Variants in MAMLD1 observed in about 807,000 individuals in gnomAD.
MAMLD1 encodes the protein mastermind like domain containing 1.
MAMLD1 carries 14 observed loss-of-function variants against 45.0 expected under a neutral mutation model. The observed-to-expected ratio is 0.31, with a 90% CI of 0.21 to 0.49. The LOEUF is 0.49. Ranked by LOEUF, MAMLD1 falls within the 20% of genes least tolerant of loss-of-function variation. MAMLD1 has a pLI of 0.99. For synonymous variants in MAMLD1, 254 were observed against 247.8 expected, an observed-to-expected ratio of 1.02 and a Z score of -0.24; for missense variants, 543 against 603.6, an observed-to-expected ratio of 0.90 and a Z score of 1.05.
At chrX:150,374,716 A>G (rs2032215691) in intron 1 of MAMLD1, among the ~76,000 whole-genome samples, 1 of 111,849 alleles carries the variant, frequency 8.9e-6, no homozygotes, top group Non-Finnish European at 1.9e-5. Flanking sequence ...AGCCCTCGGC[A>G]GTTCCAGAAT....
At chrX:150,500,347 TG>T (rs35580895) in intron 5 of MAMLD1, among the ~76,000 whole-genome samples, 1 of 111,188 alleles carries the variant, frequency 9.0e-6, no homozygotes, top group Admixed American at 9.5e-5. Flanking sequence ...TTGGTATGAC[TG>T]GGGGTACGTG....
At chrX:150,378,761 C>T (rs1368214450) in intron 1 of MAMLD1, among the ~76,000 whole-genome samples, 2 of 111,357 alleles carry the variant, frequency 1.8e-5, no homozygotes, top group Non-Finnish European at 3.8e-5. Flanking sequence ...TATTTTGATG[C>T]TCAAATTGCC....
At chrX:150,428,851 G>A (rs984092012) in intron 1 of MAMLD1, among the ~76,000 whole-genome samples, 2 of 111,788 alleles carry the variant, frequency 1.8e-5, no homozygotes, top group African/African-American at 6.5e-5. Flanking sequence ...GCACACCAGA[G>A]AATTGAGCCT....
intron 5 of MAMLD1, among the ~76,000 whole-genome samples, chrX:150,491,996 G>T (rs940823672): frequency 8.9e-6 from 1 of 112,628 alleles, no homozygotes; most frequent in African/African-American, 3.2e-5. Context: ...ATGGCCAGCT[G>T]CCCAAGATTG....
intron 1 of MAMLD1, among the ~76,000 whole-genome samples, chrX:150,431,953 G>A (rs2034966210): frequency 9.0e-6 from 1 of 111,603 alleles, no homozygotes; most frequent in Admixed American, 9.5e-5. Context: ...GGATGGCTGG[G>A]TCAAGTGTTA....
intron 1 of MAMLD1, among the ~76,000 whole-genome samples, chrX:150,388,220 T>C (rs1331683636): frequency 8.9e-6 from 1 of 112,078 alleles, no homozygotes; most frequent in African/African-American, 3.2e-5. Context: ...ATTTAGATTA[T>C]ATATTTCATG....
intron 1 of MAMLD1, among the ~76,000 whole-genome samples, chrX:150,396,581 T>A (rs1162765060): frequency 9.0e-6 from 1 of 111,308 alleles, no homozygotes; most frequent in Non-Finnish European, 1.9e-5. Flanking sequence ...TTTGGAAAAG[T>A]TTATTTTATG....
intron 4 of MAMLD1, among the ~76,000 whole-genome samples, chrX:150,472,895 C>G (rs1557406641): frequency 8.9e-6 from 1 of 112,155 alleles, no homozygotes; most frequent in African/African-American, 3.2e-5. Context: ...TCCCATTCCT[C>G]TCATCCTTGC....
intron 1 of MAMLD1, among the ~76,000 whole-genome samples, chrX:150,403,940 A>AAAGAAAG (rs1557402564): frequency 2.2e-4 from 13 of 58,886 alleles, no homozygotes; most frequent in African/African-American, 5.8e-4. Flanking sequence ...AGAAAGAAAG[A>AAAGAAAG]AAAGAAAGAA....
chrX:150,453,798 G>A (rs1193616264), intron 2 of MAMLD1, among the ~76,000 whole-genome samples: 1 of 111,762 alleles, frequency 8.9e-6, no homozygotes, highest in Non-Finnish European at 1.9e-5. Flanking sequence ...CCCACCCCAG[G>A]GCCTTCCCAC....
At chrX:150,438,862 G>A (rs1055187554) in intron 1 of MAMLD1, among the ~76,000 whole-genome samples, 2 of 111,987 alleles carry the variant, frequency 1.8e-5, no homozygotes, top group Non-Finnish European at 1.9e-5. Flanking sequence ...GGTATATACC[G>A]AGGAGTGGAA....
At chrX:150,382,900 TA>T (rs1427859207) in intron 1 of MAMLD1, among the ~76,000 whole-genome samples, 615 of 20,748 alleles carry the variant, frequency 0.03, 165 homozygotes, top group African/African-American at 0.25. Flanking sequence ...TTTTTTTTTT[TA>T]TTTTTTATTT....
chrX:150,390,465 A>G (rs1270951458), intron 1 of MAMLD1, among the ~76,000 whole-genome samples: 1 of 112,220 alleles, frequency 8.9e-6, no homozygotes, highest in Non-Finnish European at 1.9e-5. Context: ...TTAGCATATT[A>G]CATTGTATAA....
intron 1 of MAMLD1, among the ~76,000 whole-genome samples, chrX:150,407,263 T>G (rs2034022025): frequency 8.9e-6 from 1 of 112,478 alleles, no homozygotes; most frequent in African/African-American, 3.2e-5. Context: ...GACCTAGCAG[T>G]AGGTCTCATA....
intron 2 of MAMLD1, among the ~76,000 whole-genome samples, chrX:150,451,051 G>T (rs1349564997): frequency 8.9e-6 from 1 of 112,827 alleles, no homozygotes; most frequent in African/African-American, 3.2e-5. Context: ...CAGCTTGCAG[G>T]ACACCACTGG....
chrX:150,412,117 G>C (rs2034137815), intron 1 of MAMLD1, among the ~76,000 whole-genome samples: 1 of 111,568 alleles, frequency 9.0e-6, no homozygotes. Flanking sequence ...CCATGTGTCA[G>C]CATGTTGACA....
chrX:150,420,140 T>G (rs1368736964), intron 1 of MAMLD1, among the ~76,000 whole-genome samples: 6 of 37,884 alleles, frequency 1.6e-4, no homozygotes, highest in Admixed American at 7.2e-4. Flanking sequence ...GCTCATTTCT[T>G]TTTATTCTTT....
chrX:150,480,789 T>TTA (rs1557407129), intron 5 of MAMLD1, among the ~76,000 whole-genome samples: 1 of 111,780 alleles, frequency 8.9e-6, no homozygotes. Context: ...CTCCAGGACA[T>TTA]TATATATATA....
In MAMLD1 at chrX:150,512,623, C is replaced by T; in HGVS notation, c.*664C>T. ...GCTTCAGCCTGCTGGGCAGCCAGAG[C>T]CTCAGGCAGAGCCCGGTACAGGGCC... On this transcript the variant is annotated 3_prime_UTR_variant, in exon 8 of 8. Transcript: ENST00000370401. The T allele has an allele frequency of 1.0e-5, 12 of 1,150,493 alleles. No homozygotes were observed. The highest frequency in any genetic ancestry group is 1.4e-5 in the Non-Finnish European group (12 of 869,449). The allele number at this position is 1,150,493 out of a possible 1,213,427, so 94.8% of individuals were successfully genotyped here.
Sources: allele counts gnomAD v4.1 joint callset (sites outside exome capture counted in the v4.1 genomes callset), GRCh38; gene constraint gnomAD v4.1.1; transcripts MANE v1.5; gene names NCBI Gene and HGNC (gene_info 2026-07-23, HGNC 2026-07-21).